RFPL2: variants seen among roughly 807,000 people sequenced by gnomAD.
RFPL2 encodes the protein ret finger protein like 2.
RFPL2 carries 13 observed loss-of-function variants against 17.8 expected under a neutral mutation model. The observed-to-expected ratio is 0.73, with a 90% CI of 0.47 to 1.16. The LOEUF (loss-of-function observed/expected upper bound fraction) is 1.16, where lower values mean the gene tolerates loss of function less well. Among genes scored for constraint, RFPL2 ranks in the 50% most tolerant of loss-of-function variants. The pLI is 0.00. For missense variants in RFPL2, 431 were observed against 479.3 expected (o/e 0.90, Z 0.94); for synonymous variants, 189 against 180.9 (o/e 1.04, Z -0.36).
intron 3 of RFPL2, chr22:32,193,488 T>C (rs1313933555): frequency 1.4e-6 from 2 of 1,423,260 alleles, no homozygotes; most frequent in Non-Finnish European, 1.8e-6. Context: ...GCAGCACCCA[T>C]GTGAGGAACA....
rs1923257523 is a variant in RFPL2, at chr22:32,195,720, A to C, written c.120-1230T>G. 2.0e-5 allele frequency among the ~76,000 whole-genome samples: 3 copies of C among 152,108 alleles called. No homozygotes were observed. In the South Asian group the frequency reaches 6.2e-4, roughly 32 times the overall value. ...TAACCCGCCCGCCTTGGCCTCCCAA[A>C]ATGCTGGGATTACAGGTGTGAGCCA... is the stretch of plus-strand genomic sequence containing the variant. On this transcript the variant is annotated intron_variant, in intron 2 of 4. Coordinates refer to ENST00000652607, the MANE Select transcript of RFPL2 (RefSeq NM_001394555.1).
chr22:32,191,143 C>T lies in RFPL2; in HGVS notation c.766G>A (p.Gly256Arg). 1 of 1,613,940 alleles carries T rather than the reference C, an allele frequency of 6.2e-7. No homozygotes were observed. The highest frequency in any genetic ancestry group is 1.7e-4 in the Middle Eastern group (1 of 6,056). The change falls in exon 5 of 5, where the codon GGA (glycine) becomes AGA (arginine). Residue 256 changes from glycine to arginine, a missense_variant. Coordinates refer to ENST00000652607, the MANE Select transcript of RFPL2 (RefSeq NM_001394555.1). ...CGGTGAACAGATTCTCTGCAGACTC[C>T]CAGGTCCCATTCTGTGCTTGTTCCC... ...DVGTSTEWDLGVCRESVHRKG... is the reference protein window; with the variant it reads ...DVGTSTEWDLRVCRESVHRKG...
rs778808289 is a variant in RFPL2, at chr22:32,191,014, C to G, written c.895G>C (p.Val299Leu). ...ATTVPLTFLFVDRKLQRVGIF... is the reference protein window; with the variant it reads ...ATTVPLTFLFLDRKLQRVGIF... ...CCCACTCGCTGTAACTTGCGGTCTA[C>G]GAAGAGGAAAGTCAGCGGCACCGTG... The change falls in exon 5 of 5, where the codon GTA becomes CTA. Residue 299 changes from valine (V) to leucine (L), a missense_variant. Transcript: ENST00000652607. 1.9e-6 allele frequency: 3 copies of G among 1,613,738 alleles called. No individual in the cohort carries two copies. The highest frequency in any genetic ancestry group is 2.5e-6 in the Non-Finnish European group (3 of 1,179,774).
chr22:32,202,560 G>T lies in RFPL2; in HGVS notation c.-99-10C>A. On this transcript the variant is annotated splice_polypyrimidine_tract_variant and intron_variant, in intron 1 of 4. Coordinates refer to ENST00000652607, the MANE Select transcript of RFPL2 (RefSeq NM_001394555.1). ...ACAAAGCCAGAAAAGCCTAGAACAG[G>T]ATGCAGAGTGGTAACATTAGAGCGC... is the stretch of plus-strand genomic sequence containing the variant. 1 of 1,498,832 alleles carries T rather than the reference G, an allele frequency of 6.7e-7. No homozygotes were observed. Among genetic ancestry groups the T allele is most frequent in the Non-Finnish European group, 8.9e-7 (1 of 1,127,396 alleles). The allele number at this position is 1,498,832 out of a possible 1,614,324, so 92.8% of individuals were successfully genotyped here.
intron 2 of RFPL2, among the ~76,000 whole-genome samples, chr22:32,194,724 C>T (rs538050359): frequency 6.6e-6 from 1 of 152,276 alleles, no homozygotes; most frequent in East Asian, 1.9e-4. Context: ...AGGCTTCAAG[C>T]TTTGCTTGGA....
At chr22:32,202,267 C>A (rs1249151242) in intron 2 of RFPL2, 66 bp downstream of exon 2, 2 of 1,541,996 alleles carry the variant, frequency 1.3e-6, no homozygotes, top group Non-Finnish European at 1.8e-6. Context: ...CCTCCTCCTG[C>A]CTTCCTCTTT....
Position 32,190,622 on chromosome 22 carries a change from A to C in RFPL2, c.*150T>G. 4 of 767,076 alleles carry C rather than the reference A, an allele frequency of 5.2e-6. No homozygotes were observed. Among genetic ancestry groups the C allele is most frequent in the Non-Finnish European group, 5.9e-6 (3 of 506,100 alleles). The allele number at this position is 767,076 out of a possible 1,614,324, so 47.5% of individuals were successfully genotyped here. A position where few individuals can be genotyped will look rare whatever the true frequency, so the allele number is the denominator to read the frequency against. On this transcript the variant is annotated 3_prime_UTR_variant, in exon 5 of 5. Transcript: ENST00000652607. ...AATAATTAATACTTAGGACTCTATA[A>C]TCTAATCAAATTAGATTAAGTACAA...
Position 32,192,980 on chromosome 22 carries a change from G to A in RFPL2, c.478C>T (p.Leu160=). 6.2e-7 allele frequency: 1 copy of A among 1,614,212 alleles called. No homozygotes were observed. The highest frequency in any genetic ancestry group is 8.5e-7 in the Non-Finnish European group (1 of 1,180,050). Residue 160 remains leucine (L), a synonymous_variant, in exon 4 of 5, where the codon CTG becomes TTG. Transcript: ENST00000652607. The part of the protein sequence containing the change: ...KIRRNRQLER[L]ASHIKELEPK... The stretch of plus-strand genomic sequence containing the variant: ...TCCAGTTCCTTGATGTGGGAAGCCA[G>A]CCTCTCTAGCTGCCGATTGCGCCTG...
rs577686467 is a variant in RFPL2 at position 32,202,383 on chromosome 22, T to C, written c.69A>G (p.Val23=). The C allele has an allele frequency of 8.7e-6, 14 of 1,606,590 alleles. No homozygotes were observed. In the South Asian group the frequency reaches 1.1e-4, roughly 13 times the overall value. ...CTGCAAAGTCCCAGTGGCCACACAA[T>C]ACAGCACATAGACAGATCCTGGATT... ...VSQSRICLCA[V]LCGHWDFADM... The change falls in exon 2 of 5, where the codon GTA becomes GTG. Residue 23 remains valine (V), a synonymous_variant. Coordinates refer to ENST00000652607, the MANE Select transcript of RFPL2 (RefSeq NM_001394555.1).
chr22:32,196,660 G>C (rs933346099), intron 2 of RFPL2, among the ~76,000 whole-genome samples: 1 of 152,250 alleles, frequency 6.6e-6, no homozygotes, highest in Admixed American at 6.5e-5. Context: ...ACAATGTAAA[G>C]AGTGTGAGAA....
intron 3 of RFPL2, among the ~76,000 whole-genome samples, chr22:32,193,862 CAAAAAAA>C (rs136481): frequency 2.8e-5 from 2 of 71,954 alleles, no homozygotes; most frequent in African/African-American, 5.6e-5. Context: ...GACACCATCT[CAAAAAAA>C]AAAAAAAAAA....
rs1440869857 is a variant in RFPL2, at chr22:32,190,830, C to T, written c.1079G>A (p.Cys360Tyr). Reference protein sequence around the residue: ...PNGDQGVLSICPLMNSGTTDA... With the variant: ...PNGDQGVLSIYPLMNSGTTDA... ...AGTAGTGCCTGAGTTCATCAAAGGACAGATGCTCAAGACACCTTGATCACC... is the reference window on the plus strand; with the variant it reads ...AGTAGTGCCTGAGTTCATCAAAGGATAGATGCTCAAGACACCTTGATCACC... The change falls in exon 5 of 5, where the codon TGT becomes TAT. Residue 360 changes from cysteine (C) to tyrosine (Y), a missense_variant. Transcript: ENST00000652607. 4.2e-5 allele frequency: 66 copies of T among 1,561,472 alleles called. No individual in the cohort carries two copies. Among genetic ancestry groups the T allele is most frequent in the Non-Finnish European group, 5.7e-5 (66 of 1,153,126 alleles).
intron 3 of RFPL2, 22 bp downstream of exon 3, chr22:32,194,323 A>T (rs762530627): frequency 6.3e-7 from 1 of 1,593,102 alleles, no homozygotes; most frequent in South Asian, 1.1e-5. Flanking sequence ...GAGGAAAAAC[A>T]CACACACAGG....
intron 2 of RFPL2, among the ~76,000 whole-genome samples, chr22:32,201,980 G>C (rs578097357): frequency 6.6e-6 from 1 of 152,314 alleles, no homozygotes; most frequent in South Asian, 2.1e-4. Context: ...AGGTATGGAA[G>C]TCAGAAGTCC....
At chr22:32,193,862 CAAAAAAAAA>C (rs136481) in intron 3 of RFPL2, among the ~76,000 whole-genome samples, 1 of 71,956 alleles carries the variant, frequency 1.4e-5, no homozygotes, top group Non-Finnish European at 2.6e-5. Flanking sequence ...GACACCATCT[CAAAAAAAAA>C]AAAAAAAAAA....
At chr22:32,201,641 C>T (rs953722188) in intron 2 of RFPL2, among the ~76,000 whole-genome samples, 8 of 152,288 alleles carry the variant, frequency 5.3e-5, no homozygotes, top group South Asian at 2.1e-4. Context: ...TCCTGGGTCT[C>T]GGGTGGAAAA....
At chr22:32,192,750 G>A (rs1305042649) in intron 4 of RFPL2, 152 bp downstream of exon 4, 10 of 1,144,786 alleles carry the variant, frequency 8.7e-6, no homozygotes, top group East Asian at 2.4e-5. Flanking sequence ...AGGTGATTCT[G>A]TATGTTGTCA....
rs916811631 is a variant in RFPL2, at chr22:32,202,549, G to T, written c.-98C>A. On this transcript the variant is annotated splice_region_variant and 5_prime_UTR_variant, in exon 2 of 5. Coordinates refer to ENST00000652607, the MANE Select transcript of RFPL2 (RefSeq NM_001394555.1). ...CATCCGGGCAGACAAAGCCAGAAAA[G>T]CCTAGAACAGGATGCAGAGTGGTAA... The T allele has an allele frequency of 1.3e-6, 2 of 1,520,100 alleles. No homozygotes were observed. The highest frequency in any genetic ancestry group is 1.8e-6 in the Non-Finnish European group (2 of 1,136,010). The allele number at this position is 1,520,100 out of a possible 1,614,324, so 94.2% of individuals were successfully genotyped here. A position where few individuals can be genotyped will look rare whatever the true frequency, so the allele number is the denominator to read the frequency against.
chr22:32,198,036 G>A (rs1162541775), intron 2 of RFPL2, among the ~76,000 whole-genome samples: 1 of 152,126 alleles, frequency 6.6e-6, no homozygotes, highest in Non-Finnish European at 1.5e-5. Flanking sequence ...ATGGAAGGGA[G>A]ACCCCTGGAG....
Sources: gnomAD v4.1 joint callset for allele counts (sites outside exome capture counted in the v4.1 genomes callset) on GRCh38, gnomAD v4.1.1 for gene constraint, MANE v1.5 for transcripts, NCBI Gene and HGNC (gene_info 2026-07-23, HGNC 2026-07-21) for gene names.